The following RALGPS2 variants were observed in gnomAD, a reference collection of about 807,000 sequenced individuals.
RALGPS2 encodes the protein ras-specific guanine nucleotide-releasing factor RalGPS2.
A neutral mutation model predicts 86.8 loss-of-function variants in RALGPS2; 43 were observed. The ratio of observed to expected loss-of-function variants is 0.50; its 90% confidence interval spans 0.39 to 0.64. The LOEUF (loss-of-function observed/expected upper bound fraction) is 0.64. Ranked by LOEUF, RALGPS2 falls within the 30% of genes least tolerant of loss-of-function variation. The probability of loss-of-function intolerance (pLI) is 0.00; values close to 1 mark genes in which losing one functional copy is unlikely to be tolerated. For missense variants in RALGPS2, 536 were observed against 694.6 expected, an observed-to-expected ratio of 0.77 and a Z score of 2.57; for synonymous variants, 243 against 231.3, an observed-to-expected ratio of 1.05 and a Z score of -0.46.
chr1:178,793,721 T>G (rs915278778), intron 4 of RALGPS2, among the ~76,000 whole-genome samples: 14 of 152,226 alleles, frequency 9.2e-5, no homozygotes, highest in Non-Finnish European at 1.5e-4. Context: ...TAGAGATTGA[T>G]AAATGACCAT....
chr1:178,794,452 T>A (rs1223065936), intron 4 of RALGPS2, among the ~76,000 whole-genome samples: 1 of 152,204 alleles, frequency 6.6e-6, no homozygotes, highest in Non-Finnish European at 1.5e-5. Context: ...CACATTTATT[T>A]ATAGGGCTTC....
rs1253840874 is a variant in RALGPS2 at position 178,754,808 on chromosome 1, T to C, written c.-83-21874T>C. 2.6e-5 allele frequency among the ~76,000 whole-genome samples: 4 copies of C among 152,258 alleles called. No homozygotes were observed. In the East Asian group the frequency reaches 7.7e-4, roughly 29 times the overall value. ...ACCAGTTTTTGTTTGTTTGTTTGTT[T>C]GATTGTTTTGAGACGAAGTCTCACT... On this transcript the variant is annotated intron_variant, in intron 1 of 19. Transcript: ENST00000367635.
At chr1:178,847,323 G>A (rs1656915774) in intron 8 of RALGPS2, among the ~76,000 whole-genome samples, 1 of 152,184 alleles carries the variant, frequency 6.6e-6, no homozygotes, top group South Asian at 2.1e-4. Context: ...GTGGGCGCCT[G>A]TAATCCCAGC....
chr1:178,867,124 G>T (rs907086230), intron 8 of RALGPS2, among the ~76,000 whole-genome samples: 1 of 152,080 alleles, frequency 6.6e-6, no homozygotes. Context: ...TAAGAAACCA[G>T]CTCCTAAGTT....
At chr1:178,894,436 TA>T (rs1659852974) in intron 16 of RALGPS2, 1 of 154,712 alleles carries the variant, frequency 6.5e-6, no homozygotes, top group Non-Finnish European at 1.4e-5. Context: ...TTAGCAACCT[TA>T]GCGTCTAATT....
intron 13 of RALGPS2, among the ~76,000 whole-genome samples, chr1:178,887,304 G>GT (rs1659531886): frequency 1.3e-5 from 2 of 151,852 alleles, no homozygotes; most frequent in African/African-American, 2.4e-5. Flanking sequence ...AATACAAAAA[G>GT]TAGCAGGGCG....
intron 7 of RALGPS2, among the ~76,000 whole-genome samples, chr1:178,823,432 A>C (rs1252334604): frequency 6.6e-6 from 1 of 150,554 alleles, no homozygotes; most frequent in East Asian, 1.9e-4. Context: ...AAATGACATA[A>C]ATAGCAATAA....
intron 4 of RALGPS2, among the ~76,000 whole-genome samples, chr1:178,802,273 A>T (rs1432639178): frequency 6.6e-6 from 1 of 152,186 alleles, no homozygotes; most frequent in East Asian, 1.9e-4. Flanking sequence ...TGTATTGTAC[A>T]TCATAAGTTT....
chr1:178,758,304 C>T (rs180936979), intron 1 of RALGPS2, among the ~76,000 whole-genome samples: 12 of 151,932 alleles, frequency 7.9e-5, no homozygotes, highest in Admixed American at 5.9e-4. Context: ...TTAGGTGGTA[C>T]GAGATACTTT....
At chr1:178,862,600 TA>T (rs1658108775) in intron 8 of RALGPS2, among the ~76,000 whole-genome samples, 1 of 136,880 alleles carries the variant, frequency 7.3e-6, no homozygotes, top group Non-Finnish European at 1.5e-5. Flanking sequence ...TTTTTTTATT[TA>T]TTTATTTATT....
At chr1:178,730,505 G>T in intron 1 of RALGPS2, among the ~76,000 whole-genome samples, 1 of 150,254 alleles carries the variant, frequency 6.7e-6, no homozygotes, top group East Asian at 2.0e-4. Flanking sequence ...TTTCCTATTT[G>T]TCTCTAATTT....
chr1:178,824,931 T>A (rs759026334), intron 7 of RALGPS2, among the ~76,000 whole-genome samples: 18 of 152,202 alleles, frequency 1.2e-4, no homozygotes, highest in Admixed American at 9.2e-4. Context: ...AAGTTCTGAT[T>A]GTTTTGTTTC....
chr1:178,881,908 T>C (rs2102372354), intron 10 of RALGPS2, among the ~76,000 whole-genome samples: 1 of 152,270 alleles, frequency 6.6e-6, no homozygotes, highest in Non-Finnish European at 1.5e-5. Flanking sequence ...AATTTGTAAA[T>C]AGAAATGGCA....
chr1:178,788,626 C>T (rs1459598747), intron 4 of RALGPS2, among the ~76,000 whole-genome samples: 2 of 152,046 alleles, frequency 1.3e-5, no homozygotes, highest in African/African-American at 2.4e-5. Context: ...GGCCAGTGAG[C>T]TACAGTGAGT....
intron 8 of RALGPS2, among the ~76,000 whole-genome samples, chr1:178,854,919 T>G (rs1657427277): frequency 6.6e-6 from 1 of 152,182 alleles, no homozygotes; most frequent in Admixed American, 6.5e-5. Context: ...GTGAATATCA[T>G]CCTTCTCCAG....
At chr1:178,764,976 C>T (rs937131665) in intron 1 of RALGPS2, among the ~76,000 whole-genome samples, 4 of 151,960 alleles carry the variant, frequency 2.6e-5, no homozygotes, top group African/African-American at 9.7e-5. Context: ...GTAAAACAAC[C>T]AGATCCCCAC....
intron 1 of RALGPS2, among the ~76,000 whole-genome samples, chr1:178,731,775 C>G (rs930183374): frequency 6.6e-6 from 1 of 152,168 alleles, no homozygotes; most frequent in East Asian, 1.9e-4. Flanking sequence ...CCAGCAGTGT[C>G]CATGATTATA....
chr1:178,779,829 G>T (rs532036059), intron 2 of RALGPS2, among the ~76,000 whole-genome samples: 6 of 152,334 alleles, frequency 3.9e-5, no homozygotes, highest in African/African-American at 1.4e-4. Flanking sequence ...TGCCTCCCAG[G>T]TTCAAGCAAT....
chr1:178,783,872 A>G (rs1230238915), intron 2 of RALGPS2, among the ~76,000 whole-genome samples: 1 of 152,160 alleles, frequency 6.6e-6, no homozygotes, highest in Non-Finnish European at 1.5e-5. Context: ...TTGAAACAGT[A>G]ATTTTTAAGC....
Sources: allele counts gnomAD v4.1 joint callset (sites outside exome capture counted in the v4.1 genomes callset), GRCh38; gene constraint gnomAD v4.1.1; transcripts MANE v1.5; gene names NCBI Gene and HGNC (gene_info 2026-07-23, HGNC 2026-07-21).